Variants in IL18BP observed in about 807,000 individuals in gnomAD.
The protein encoded by IL18BP is interleukin 18 binding protein.
In IL18BP, 23 loss-of-function variants were observed where a neutral mutation model predicts 19.9. The ratio of observed to expected loss-of-function variants is 1.15; its 90% confidence interval spans 0.83 to 1.64. The LOEUF (loss-of-function observed/expected upper bound fraction) is 1.64, where lower values mean the gene tolerates loss of function less well. Ranked by LOEUF, IL18BP falls within the 40% of genes most tolerant of loss-of-function variation. The pLI, the probability that IL18BP is intolerant of heterozygous loss-of-function variation, is 0.00. For missense variants in IL18BP, 239 were observed against 240.7 expected (o/e 0.99, Z 0.05); for synonymous variants, 107 against 101.0 (o/e 1.06, Z -0.35).
downstream of IL18BP, chr11:72,003,450 G>T: frequency 7.0e-7 from 1 of 1,430,532 alleles, no homozygotes; most frequent in Non-Finnish European, 9.9e-7. Flanking sequence ...AGAAGGCACT[G>T]AGAGGGACAG....
chr11:72,001,165 C>T (rs772137885), intron 3 of IL18BP, 36 bp from the exon 4 acceptor site: 2 of 1,613,108 alleles, frequency 1.2e-6, no homozygotes, highest in East Asian at 2.2e-5. Context: ...GAAGGGCCTG[C>T]TCTTCTGAAG....
At position 72,002,087 on chromosome 11, in the gene IL18BP, C is replaced by T. The variant is rs1311934838; in HGVS notation, c.*226C>T. On this transcript the variant is annotated 3_prime_UTR_variant, in exon 6 of 6. Transcript: ENST00000393703. ...CCTCCTCCTCCTGCCATTCTCTCTC[C>T]ACCTATCCATTAGCCTTCCTAACGT... 6.3e-6 allele frequency: 4 copies of T among 639,112 alleles called. No homozygotes were observed. The highest frequency in any genetic ancestry group is 1.1e-5 in the Non-Finnish European group (4 of 360,558). The allele number at this position is 639,112 out of a possible 1,614,324, so 39.6% of individuals were successfully genotyped here. A position where few individuals can be genotyped will look rare whatever the true frequency, so the allele number is the denominator to read the frequency against.
At chr11:72,005,205 G>A (rs765318830), downstream of IL18BP, 1 of 1,544,338 alleles carries the variant, frequency 6.5e-7, no homozygotes, top group Non-Finnish European at 8.7e-7. Flanking sequence ...AGGGATGGGA[G>A]GCCCTGCACA....
chr11:72,007,323 G>A (rs61741222), downstream of IL18BP: 5 of 1,613,516 alleles, frequency 3.1e-6, no homozygotes, highest in Middle Eastern at 5.0e-4. Context: ...GCAGGGATGG[G>A]AGTGAAGTAG....
downstream of IL18BP, chr11:72,006,058 C>T: frequency 6.2e-7 from 1 of 1,613,234 alleles, no homozygotes; most frequent in Non-Finnish European, 8.5e-7. Flanking sequence ...ACTGGACACC[C>T]CGGCCTGGGA....
downstream of IL18BP, chr11:72,004,577 T>G: frequency 6.5e-7 from 1 of 1,534,592 alleles, no homozygotes; most frequent in Non-Finnish European, 8.9e-7. Flanking sequence ...CCTTTAGTCC[T>G]TGGTGAGCTG....
Position 72,000,675 on chromosome 11 carries a change from G to T in IL18BP, c.235+118G>T. 1.0e-5 allele frequency: 8 copies of T among 801,446 alleles called. 1 individual carries two copies. In the South Asian group the frequency reaches 1.3e-4, roughly 13 times the overall value. The allele number at this position is 801,446 out of a possible 1,614,324, so 49.6% of individuals were successfully genotyped here. ...CCACCAGCTGAGCCAGCTGGGCTGAGCACGCACCATTCTCCCTCCCCAACC... is the reference window on the plus strand; with the variant it reads ...CCACCAGCTGAGCCAGCTGGGCTGATCACGCACCATTCTCCCTCCCCAACC... On this transcript the variant is annotated intron_variant, in intron 3 of 5. Coordinates refer to ENST00000393703, the MANE Select transcript of IL18BP (RefSeq NM_001039660.2).
downstream of IL18BP, chr11:72,004,646 A>G (rs750603542): frequency 2.5e-6 from 4 of 1,612,458 alleles, no homozygotes; most frequent in South Asian, 4.4e-5. Flanking sequence ...CTACCTCAGG[A>G]GTTCCAGGGC....
At chr11:72,004,740 C>G (rs766566699), downstream of IL18BP, 10 of 1,612,346 alleles carry the variant, frequency 6.2e-6, no homozygotes, top group African/African-American at 1.3e-5. Flanking sequence ...TGGCTGCATG[C>G]TGGCTCGGCG....
chr11:72,004,445 C>A (rs1955532145), downstream of IL18BP: 1 of 1,237,250 alleles, frequency 8.1e-7, no homozygotes, highest in East Asian at 2.3e-5. Context: ...AGTCAACGTG[C>A]AACCTGCTCC....
intron 3 of IL18BP, 92 bp from the exon 4 acceptor site, chr11:72,001,109 G>A: frequency 1.3e-6 from 2 of 1,506,434 alleles, no homozygotes; most frequent in Non-Finnish European, 1.8e-6. Context: ...AGATGCATGG[G>A]GACTGGGGGG....
chr11:72,004,491 A>G (rs1279993672), downstream of IL18BP: 5 of 1,210,352 alleles, frequency 4.1e-6, no homozygotes, highest in Non-Finnish European at 5.9e-6. Flanking sequence ...TCCCTTCCCA[A>G]CAGTTCCCAT....
downstream of IL18BP, chr11:72,007,242 T>C: frequency 1.9e-6 from 3 of 1,611,990 alleles, no homozygotes; most frequent in Non-Finnish European, 2.5e-6. Flanking sequence ...GCGGAGCGGG[T>C]CTTACGACCC....
At chr11:72,007,472 C>A (rs200238731), downstream of IL18BP, 3 of 1,607,694 alleles carry the variant, frequency 1.9e-6, no homozygotes, top group East Asian at 4.5e-5. Context: ...CAGTCCTTCA[C>A]GCTAGAAGGC....
chr11:72,003,312 A>G (rs1345094100), downstream of IL18BP: 2 of 592,262 alleles, frequency 3.4e-6, no homozygotes, highest in Non-Finnish European at 6.1e-6. Context: ...GAGCGCCCAC[A>G]CTGTCCATGC....
chr11:72,005,152 T>C, downstream of IL18BP: 2 of 1,421,082 alleles, frequency 1.4e-6, no homozygotes, highest in South Asian at 1.4e-5. Context: ...TCCAGGGCCC[T>C]AGTGCTCAGG....
At chr11:72,008,026 C>T (rs1955863391), downstream of IL18BP, 1 of 449,748 alleles carries the variant, frequency 2.2e-6, no homozygotes, top group Non-Finnish European at 4.4e-6. Flanking sequence ...CACTGGGGAA[C>T]CTTGGGCAAG....
At chr11:72,003,219 G>A (rs570952512), downstream of IL18BP, 3 of 461,684 alleles carry the variant, frequency 6.5e-6, no homozygotes, top group African/African-American at 3.9e-5. Flanking sequence ...CAGGCCCAAG[G>A]ACCCAGCCAT....
At chr11:72,003,073 G>A (rs752587433), downstream of IL18BP, 9 of 240,520 alleles carry the variant, frequency 3.7e-5, no homozygotes, top group Non-Finnish European at 6.5e-5. Context: ...TCTGGCAGGT[G>A]CTCCCACCAG....
Sources: gnomAD v4.1 joint callset for allele counts on GRCh38, gnomAD v4.1.1 for gene constraint, MANE v1.5 for transcripts, NCBI Gene and HGNC (gene_info 2026-07-23, HGNC 2026-07-21) for gene names.